The following ZFP64 variants were observed in gnomAD, a reference collection of about 807,000 sequenced individuals.
ZFP64 encodes the protein ZFP64 zinc finger protein.
Under a neutral mutation model 51.6 loss-of-function variants are expected in ZFP64, and 14 were observed. That is an observed-to-expected ratio of 0.27 (90% CI 0.18 to 0.42). The LOEUF (loss-of-function observed/expected upper bound fraction) is 0.42, where lower values mean the gene tolerates loss of function less well. ZFP64 is among the 10% of genes least tolerant of loss of function. ZFP64 has a pLI of 1.00. For synonymous variants in ZFP64, 375 were observed against 361.4 expected, an observed-to-expected ratio of 1.04 and a Z score of -0.43; for missense variants, 754 against 906.8, an observed-to-expected ratio of 0.83 and a Z score of 2.16.
chr20:52,153,445 AG>A lies in ZFP64; in HGVS notation c.764-18del. ...GGGCGTCCCCTGTCAACACAAGGTG[AG>A]TTTCGATAAGAACAGGCAGGCAACA... On this transcript the variant is annotated intron_variant, in intron 5 of 5. Coordinates refer to ENST00000216923, the MANE Select transcript of ZFP64 (RefSeq NM_018197.3). This position sits in a 1 kb window ranked among gnomAD's most constrained non-coding sequence, Gnocchi z 5.1. 1 of 1,606,072 alleles carries A rather than the reference AG, an allele frequency of 6.2e-7. No individual in the cohort carries two copies. Among genetic ancestry groups the A allele is most frequent in the Non-Finnish European group, 8.5e-7 (1 of 1,175,322 alleles).
At chr20:52,098,382 C>T in intron 6 of ZFP64, 6 of 1,597,388 alleles carry the variant, frequency 3.8e-6, no homozygotes, top group Non-Finnish European at 5.1e-6. Flanking sequence ...TCACGTAGGG[C>T]TTGCAGATCA....
chr20:52,100,277 ACT>A (rs2079037044), intron 5 of ZFP64, among the ~76,000 whole-genome samples: 1 of 146,832 alleles, frequency 6.8e-6, no homozygotes, highest in Non-Finnish European at 1.5e-5. Context: ...ACAGAGTCTC[ACT>A]CTGTCGCCCA....
chr20:52,135,826 C>T (rs1466883145), intron 5 of ZFP64, among the ~76,000 whole-genome samples: 2 of 151,448 alleles, frequency 1.3e-5, no homozygotes, highest in Admixed American at 6.6e-5. Context: ...TGGCTGGGTT[C>T]GGTGGCTCAC....
chr20:52,086,456 A>G (rs2078865040), intron 8 of ZFP64, among the ~76,000 whole-genome samples: 1 of 150,598 alleles, frequency 6.6e-6, no homozygotes, highest in African/African-American at 2.5e-5. Context: ...CCACTCTCAT[A>G]ATTTTGTAAC....
At chr20:52,122,709 G>C (rs879810686) in intron 5 of ZFP64, among the ~76,000 whole-genome samples, 1 of 152,058 alleles carries the variant, frequency 6.6e-6, no homozygotes, top group Non-Finnish European at 1.5e-5. Flanking sequence ...AAATGTCATC[G>C]ATGACTTTGA....
At chr20:52,151,211 T>C (rs1480397635), downstream of ZFP64, 3 of 985,090 alleles carry the variant, frequency 3.0e-6, no homozygotes, top group Non-Finnish European at 3.6e-6. Context: ...AGTTTGTTTT[T>C]GATTAATGAC....
At position 52,153,376 on chromosome 20, in the gene ZFP64, C is replaced by T. The variant is rs765304709; in HGVS notation, c.816G>A (p.Ser272=). ...WLCSAKFKIS[S]DLKRHMRVHS... ...GCACCCGCATGTGCCTTTTCAAGTCCGAGCTGATTTTGAACTTGGCGCTAC... is the reference window on the plus strand; with the variant it reads ...GCACCCGCATGTGCCTTTTCAAGTCTGAGCTGATTTTGAACTTGGCGCTAC... Residue 272 remains serine (S), a synonymous_variant, in exon 6 of 6, where the codon TCG becomes TCA. Coordinates refer to ENST00000216923, the MANE Select transcript of ZFP64 (RefSeq NM_018197.3). The surrounding 1 kb of genome is among the most constrained non-coding windows in gnomAD (Gnocchi z 5.1). 2.5e-6 allele frequency: 4 copies of T among 1,614,146 alleles called. No homozygotes were observed. The highest frequency in any genetic ancestry group is 1.1e-5 in the South Asian group (1 of 91,082).
intron 7 of ZFP64, chr20:52,089,122 C>T (rs1047335080): frequency 4.2e-6 from 2 of 475,784 alleles, no homozygotes; most frequent in Non-Finnish European, 4.2e-6. Context: ...CCAGGGACAG[C>T]AGAAGACCAC....
chr20:52,171,794 C>T (rs2123062603), intron 2 of ZFP64, among the ~76,000 whole-genome samples: 1 of 150,140 alleles, frequency 6.7e-6, no homozygotes, highest in African/African-American at 2.5e-5. Context: ...GTCACCCAGG[C>T]TGGAGTGCAA....
chr20:52,179,547 A>C (rs1436816454), intron 2 of ZFP64, among the ~76,000 whole-genome samples: 1 of 152,108 alleles, frequency 6.6e-6, no homozygotes, highest in Non-Finnish European at 1.5e-5. Context: ...ATGCAGGGAG[A>C]TTTACAGTCT....
chr20:52,089,675 T>C (rs995545389), intron 7 of ZFP64, among the ~76,000 whole-genome samples: 1 of 150,774 alleles, frequency 6.6e-6, no homozygotes, highest in African/African-American at 2.4e-5. Flanking sequence ...GCCCAGGAGG[T>C]TGAGGTTGTG....
At chr20:52,105,075 A>G (rs2122790121) in intron 5 of ZFP64, 1 of 1,402,810 alleles carries the variant, frequency 7.1e-7, no homozygotes, top group Non-Finnish European at 9.2e-7. Flanking sequence ...GCGGGTCCGG[A>G]GAACCTCTGA....
chr20:52,190,500 G>C (rs1229183030), intron 1 of ZFP64, among the ~76,000 whole-genome samples: 1 of 152,048 alleles, frequency 6.6e-6, no homozygotes, highest in Admixed American at 6.6e-5. Flanking sequence ...ACACGGGCTT[G>C]TTATGAGAAT....
At chr20:52,142,960 A>C (rs6096794) in intron 5 of ZFP64, among the ~76,000 whole-genome samples, 61,798 of 140,432 alleles carry the variant, frequency 0.44, 19,130 homozygotes, top group Non-Finnish European at 0.52. Flanking sequence ...CAACCCTGAT[A>C]AGTCAGCAGC....
intron 5 of ZFP64, among the ~76,000 whole-genome samples, chr20:52,099,740 G>A (rs1378369906): frequency 2.6e-5 from 4 of 152,194 alleles, no homozygotes; most frequent in Admixed American, 2.0e-4. Context: ...GCTGGCATAA[G>A]GAGAAATGAG....
intron 5 of ZFP64, among the ~76,000 whole-genome samples, chr20:52,109,799 A>AAT (rs1555880828): frequency 1.3e-5 from 2 of 150,924 alleles, no homozygotes; most frequent in African/African-American, 4.9e-5. Context: ...AAAAAAAAAA[A>AAT]AAAGAAAAAA....
chr20:52,174,107 A>G (rs1982979054), intron 2 of ZFP64, among the ~76,000 whole-genome samples: 1 of 152,194 alleles, frequency 6.6e-6, no homozygotes, highest in East Asian at 1.9e-4. Flanking sequence ...TGCACCCACC[A>G]CAGAACCAGG....
intron 5 of ZFP64, among the ~76,000 whole-genome samples, chr20:52,107,872 G>C (rs959149298): frequency 5.9e-5 from 9 of 152,198 alleles, no homozygotes; most frequent in Admixed American, 2.6e-4. Context: ...GTACCTGGGG[G>C]TGGTATAAGA....
At chr20:52,164,258 G>C (rs1982060619) in intron 4 of ZFP64, among the ~76,000 whole-genome samples, 1 of 152,214 alleles carries the variant, frequency 6.6e-6, no homozygotes, top group Non-Finnish European at 1.5e-5. Flanking sequence ...CTGGGCGACA[G>C]AGTGAGACCC....
Sources: gnomAD v4.1 joint callset for allele counts (sites outside exome capture counted in the v4.1 genomes callset) on GRCh38, gnomAD v4.1.1 for gene constraint, Gnocchi (gnomAD v3.1) non-coding constraint, MANE v1.5 for transcripts, NCBI Gene and HGNC (gene_info 2026-07-23, HGNC 2026-07-21) for gene names.